The following ORC4 variants were observed in gnomAD, a reference collection of about 807,000 sequenced individuals.
ORC4 encodes origin recognition complex subunit 4.
In ORC4, 55 loss-of-function variants were observed where a neutral mutation model predicts 63.9. That is an observed-to-expected ratio of 0.86 (90% CI 0.69 to 1.08). ORC4 has a LOEUF of 1.08. Ranked by LOEUF, ORC4 falls within the 50% of genes least tolerant of loss-of-function variation. The pLI, the probability that ORC4 is intolerant of heterozygous loss-of-function variation, is 0.00. For missense variants in ORC4, 511 were observed against 504.4 expected (o/e 1.01, Z -0.13); for synonymous variants, 150 against 168.5 (o/e 0.89, Z 0.85).
At chr2:147,938,056 TA>T in intron 13 of ORC4, 89 bp downstream of exon 13, 2 of 869,280 alleles carry the variant, frequency 2.3e-6, no homozygotes, top group Non-Finnish European at 3.8e-6. Context: ...ACTTAATGTT[TA>T]AAAATGAAAG....
At chr2:147,980,930 T>G (rs1690848450) in intron 1 of ORC4, among the ~76,000 whole-genome samples, 1 of 152,050 alleles carries the variant, frequency 6.6e-6, no homozygotes, top group African/African-American at 2.4e-5. Context: ...CCATATACAC[T>G]CCAGCATTAT....
chr2:147,987,263 G>A (rs540266351), intron 1 of ORC4, among the ~76,000 whole-genome samples: 1 of 150,468 alleles, frequency 6.6e-6, no homozygotes, highest in East Asian at 2.0e-4. Flanking sequence ...GGTTAAAAAT[G>A]TGGCCTGCCT....
At chr2:147,973,816 A>C (rs1376448010) in intron 2 of ORC4, among the ~76,000 whole-genome samples, 1 of 152,224 alleles carries the variant, frequency 6.6e-6, no homozygotes, top group Non-Finnish European at 1.5e-5. Flanking sequence ...ATTGTAATGC[A>C]TGTGAACGAG....
chr2:147,950,764 CAAA>C (rs70992182), intron 8 of ORC4, among the ~76,000 whole-genome samples: 1 of 111,612 alleles, frequency 9.0e-6, no homozygotes. Flanking sequence ...GACTCCATCT[CAAA>C]AAAAAAAAAA....
At chr2:148,009,776 G>T (rs1220101313) in intron 1 of ORC4, among the ~76,000 whole-genome samples, 1 of 152,162 alleles carries the variant, frequency 6.6e-6, no homozygotes, top group Non-Finnish European at 1.5e-5. Context: ...CTTCTCCTTA[G>T]CACATGGAAC....
chr2:147,939,827 C>G (rs17232022), intron 10 of ORC4, among the ~76,000 whole-genome samples: 2,533 of 152,228 alleles, frequency 0.017, 75 homozygotes, highest in African/African-American at 0.058. Context: ...AGTTGCTACT[C>G]AAGTATTTGA....
chr2:147,969,717 A>G (rs886718074), intron 4 of ORC4, among the ~76,000 whole-genome samples: 2 of 151,998 alleles, frequency 1.3e-5, no homozygotes, highest in Non-Finnish European at 2.9e-5. Context: ...CATTTTTTCT[A>G]ATCATAAGAA....
rs1318768506 is a variant in ORC4, at chr2:147,973,542, AATAAAT to A, written c.58-24_58-19del. The A allele has an allele frequency of 5.4e-6, 7 of 1,306,988 alleles. No homozygotes were observed. Among genetic ancestry groups the A allele is most frequent in the Non-Finnish European group, 7.7e-6 (7 of 909,302 alleles). The allele number at this position is 1,306,988 out of a possible 1,614,324, so 81.0% of individuals were successfully genotyped here. A position where few individuals can be genotyped will look rare whatever the true frequency, so the allele number is the denominator to read the frequency against. On this transcript the variant is annotated intron_variant, in intron 2 of 13. Transcript: ENST00000392857. ...CTTTGTACCTGATGAAAATAAAGTG[AATAAAT>A]ATAAATAAAAATATTACACATGATA...
At position 147,935,150 on chromosome 2, in the gene ORC4, G is replaced by GT. The variant is rs1553448962; in HGVS notation, c.*359dup. 7.5e-5 allele frequency: 17 copies of GT among 227,846 alleles called. No individual in the cohort carries two copies. The highest frequency in any genetic ancestry group is 1.2e-4 in the Non-Finnish European group (14 of 113,824). 14.1% of individuals were successfully genotyped at this position (227,846 alleles called of 1,614,324 possible). ...TTATTATACTTCAGTGCTTACCATTGTTTTTTTTACTCCTTTGGTTTAAGG... is the reference window on the plus strand; with the variant it reads ...TTATTATACTTCAGTGCTTACCATTGTTTTTTTTTACTCCTTTGGTTTAAGG... On this transcript the variant is annotated 3_prime_UTR_variant, in exon 14 of 14. Transcript: ENST00000392857.
chr2:147,964,165 G>A (rs528283517), intron 4 of ORC4, among the ~76,000 whole-genome samples: 84 of 152,054 alleles, frequency 5.5e-4, no homozygotes, highest in African/African-American at 1.9e-3. Flanking sequence ...TAATAATCTT[G>A]ACAACACTCA....
chr2:147,987,366 ATG>A (rs140134375), intron 1 of ORC4, among the ~76,000 whole-genome samples: 2 of 116,386 alleles, frequency 1.7e-5, no homozygotes, highest in South Asian at 2.7e-4. Flanking sequence ...AGATATATAT[ATG>A]TGTGTGTGTG....
intron 4 of ORC4, among the ~76,000 whole-genome samples, chr2:147,967,350 G>T (rs750444534): frequency 7.2e-5 from 11 of 151,858 alleles, no homozygotes; most frequent in Non-Finnish European, 1.5e-4. Context: ...GGGAAAGGAA[G>T]AAGTCAATTC....
chr2:147,987,095 G>C (rs1197039975), intron 1 of ORC4, among the ~76,000 whole-genome samples: 1 of 150,874 alleles, frequency 6.6e-6, no homozygotes, highest in Non-Finnish European at 1.5e-5. Context: ...GAATTCCTGG[G>C]CTCAAGAGAT....
Position 147,935,676 on chromosome 2 carries a change from A to C in ORC4, c.1145T>G (p.Leu382Ter). 1 of 1,612,828 alleles carries C rather than the reference A, an allele frequency of 6.2e-7. No homozygotes were observed. The highest frequency in any genetic ancestry group is 8.5e-7 in the Non-Finnish European group (1 of 1,179,692). The change falls in exon 14 of 14, where the codon TTA (leucine) becomes TGA (stop). Residue 382 changes from leucine (L) to a stop codon, truncating the protein, a stop_gained. Transcript: ENST00000392857. LOFTEE classifies it high-confidence loss of function. ...VMKAFEHLQQ[L>*]ELIKPMERTS... ...TCTTTCCATGGGCTTTATTAATTCTAATTGCTGCAAGTGTTCAAAAGCCTG... is the reference window on the plus strand; with the variant it reads ...TCTTTCCATGGGCTTTATTAATTCTCATTGCTGCAAGTGTTCAAAAGCCTG...
At chr2:148,007,510 T>C (rs774422668) in intron 1 of ORC4, among the ~76,000 whole-genome samples, 5 of 152,038 alleles carry the variant, frequency 3.3e-5, no homozygotes, top group African/African-American at 7.2e-5. Flanking sequence ...GACAGGTTTA[T>C]GAAAATACAG....
intron 1 of ORC4, among the ~76,000 whole-genome samples, chr2:148,018,129 T>G (rs1693424160): frequency 6.6e-6 from 1 of 151,778 alleles, no homozygotes; most frequent in Non-Finnish European, 1.5e-5. Flanking sequence ...CCAAAAAGAT[T>G]TAAAAAGACA....
intron 2 of ORC4, among the ~76,000 whole-genome samples, chr2:147,975,177 G>A (rs963949791): frequency 1.3e-5 from 2 of 151,928 alleles, no homozygotes; most frequent in African/African-American, 4.8e-5. Context: ...CAAATGCCAG[G>A]GTAGAAATAC....
Position 147,978,417 on chromosome 2 carries a change from C to G in ORC4, c.-17-2442G>C, listed in dbSNP as rs371086530. Among the ~76,000 whole-genome samples the G allele has an allele frequency of 4.6e-5, 7 of 152,284 alleles. No homozygotes were observed. The East Asian group carries it at 7.7e-4, about 17-fold the overall frequency. ...AGTTCCTTGTGCAGGCAGGGTTGCT[C>G]TCAGGCTGCAACCAACAGTGGCAGG... On this transcript the variant is annotated intron_variant, in intron 1 of 13. Transcript: ENST00000392857.
At chr2:147,966,310 T>C (rs970084461) in intron 4 of ORC4, among the ~76,000 whole-genome samples, 14 of 151,732 alleles carry the variant, frequency 9.2e-5, no homozygotes, top group Admixed American at 7.9e-4. Context: ...TCCAAAAAAT[T>C]AGAAAAATTT....
Sources: allele counts gnomAD v4.1 joint callset (sites outside exome capture counted in the v4.1 genomes callset), GRCh38; gene constraint gnomAD v4.1.1; transcripts MANE v1.5; gene names NCBI Gene and HGNC (gene_info 2026-07-23, HGNC 2026-07-21).